Variants in EPHA7 observed in about 807,000 individuals in gnomAD.
EPHA7 encodes the protein EPH receptor A7.
In EPHA7, 25 loss-of-function variants were observed where a neutral mutation model predicts 112.6. The observed-to-expected ratio is 0.22, with a 90% CI of 0.16 to 0.31. The LOEUF is 0.31. Among genes scored for constraint, EPHA7 ranks in the 10% least tolerant of loss-of-function variants. EPHA7 has a pLI of 1.00. For synonymous variants in EPHA7, 437 were observed against 406.5 expected (o/e 1.07, Z -0.90); for missense variants, 962 against 1,212.6 (o/e 0.79, Z 3.07).
intron 1 of EPHA7, among the ~76,000 whole-genome samples, chr6:93,417,797 G>A (rs559215657): frequency 2.1e-4 from 32 of 152,080 alleles, no homozygotes; most frequent in African/African-American, 7.5e-4. Flanking sequence ...ACGCGTAACC[G>A]CCAGCTTGGA....
intron 4 of EPHA7, among the ~76,000 whole-genome samples, chr6:93,357,269 T>A (rs75184801): frequency 0.027 from 4,038 of 152,264 alleles, 178 homozygotes; most frequent in African/African-American, 0.093. Context: ...GAGGCTTTAT[T>A]TATTTTCCTT....
intron 3 of EPHA7, among the ~76,000 whole-genome samples, chr6:93,392,634 A>G (rs759232102): frequency 6.6e-6 from 1 of 152,016 alleles, no homozygotes; most frequent in Non-Finnish European, 1.5e-5. Flanking sequence ...AATTCCTTAA[A>G]GATACAAAAT....
chr6:93,283,212 T>C (rs1269856691), intron 5 of EPHA7, among the ~76,000 whole-genome samples: 13 of 152,200 alleles, frequency 8.5e-5, no homozygotes, highest in Admixed American at 4.6e-4. Flanking sequence ...AATACACCAA[T>C]TGACACTCTG....
chr6:93,379,461 T>A (rs547071376), intron 3 of EPHA7, among the ~76,000 whole-genome samples: 11 of 152,202 alleles, frequency 7.2e-5, no homozygotes, highest in African/African-American at 2.6e-4. Context: ...TTTTAGGGAA[T>A]GTAATTATCA....
At chr6:93,333,095 C>T (rs558772331) in intron 5 of EPHA7, among the ~76,000 whole-genome samples, 5 of 151,786 alleles carry the variant, frequency 3.3e-5, no homozygotes, top group Non-Finnish European at 7.4e-5. Flanking sequence ...TCTCTCTGTA[C>T]TCAGTGTTCA....
At chr6:93,303,771 T>C (rs1773113173) in intron 5 of EPHA7, among the ~76,000 whole-genome samples, 1 of 152,138 alleles carries the variant, frequency 6.6e-6, no homozygotes, top group Admixed American at 6.6e-5. Context: ...GTTATATTTC[T>C]GAAGTATTGA....
At chr6:93,296,766 C>A (rs1772695139) in intron 5 of EPHA7, among the ~76,000 whole-genome samples, 1 of 151,758 alleles carries the variant, frequency 6.6e-6, no homozygotes, top group Admixed American at 6.6e-5. Context: ...TACTTACATA[C>A]ATTGCCATTA....
intron 5 of EPHA7, among the ~76,000 whole-genome samples, chr6:93,320,132 G>A (rs1368310986): frequency 1.3e-5 from 2 of 151,956 alleles, no homozygotes; most frequent in African/African-American, 4.8e-5. Flanking sequence ...ATTGAAGGAG[G>A]AGAAATCACT....
chr6:93,300,710 A>T (rs1416500390), intron 5 of EPHA7, among the ~76,000 whole-genome samples: 1 of 152,198 alleles, frequency 6.6e-6, no homozygotes, highest in Non-Finnish European at 1.5e-5. Context: ...ATGTTAGATA[A>T]CATAAGGGGA....
chr6:93,353,340 A>T (rs1251530589), intron 5 of EPHA7, among the ~76,000 whole-genome samples: 3 of 152,140 alleles, frequency 2.0e-5, no homozygotes, highest in African/African-American at 7.2e-5. Flanking sequence ...TAAATATTAA[A>T]AGTATATAAA....
chr6:93,363,276 A>C (rs1361038370), intron 3 of EPHA7, among the ~76,000 whole-genome samples: 1 of 151,892 alleles, frequency 6.6e-6, no homozygotes, highest in African/African-American at 2.4e-5. Context: ...TAAAGAATAC[A>C]TGATAATAAA....
chr6:93,393,364 A>G (rs906950079), intron 3 of EPHA7, among the ~76,000 whole-genome samples: 1 of 151,576 alleles, frequency 6.6e-6, no homozygotes, highest in Non-Finnish European at 1.5e-5. Context: ...ATCTTGAGTG[A>G]TGTAGTTCAA....
At chr6:93,404,624 T>C (rs1444448638) in intron 3 of EPHA7, among the ~76,000 whole-genome samples, 1 of 147,996 alleles carries the variant, frequency 6.8e-6, no homozygotes. Context: ...TATAATCATA[T>C]ATATATATAT....
At chr6:93,275,456 C>T (rs1161275588) in intron 5 of EPHA7, among the ~76,000 whole-genome samples, 1 of 151,778 alleles carries the variant, frequency 6.6e-6, no homozygotes, top group East Asian at 1.9e-4. Context: ...TTAAATTCAA[C>T]TGAAAAAACA....
intron 5 of EPHA7, among the ~76,000 whole-genome samples, chr6:93,344,918 T>C (rs1775322624): frequency 1.3e-5 from 2 of 151,604 alleles, no homozygotes; most frequent in South Asian, 4.1e-4. Context: ...TCCACTCCTC[T>C]TCCCCGGAGA....
intron 3 of EPHA7, among the ~76,000 whole-genome samples, chr6:93,388,240 A>G (rs1455662250): frequency 2.6e-5 from 4 of 152,286 alleles, no homozygotes; most frequent in East Asian, 1.9e-4. Flanking sequence ...AAGAGTTTCA[A>G]TGACATTTCA....
intron 1 of EPHA7, among the ~76,000 whole-genome samples, chr6:93,417,400 G>A (rs553215680): frequency 6.6e-6 from 1 of 151,382 alleles, no homozygotes; most frequent in Non-Finnish European, 1.5e-5. Context: ...CTCGCCGCCC[G>A]CCAGCCACAG....
In EPHA7 at chr6:93,356,741, C is replaced by T. The variant is rs1273384862; in HGVS notation, c.1300G>A (p.Val434Ile). ...LSRSQRLFAA[V>I]SITTGQAAPS... is the part of the protein sequence containing the mutation. ...CCTGCTTGACCAGTGGTGATACTGA[C>T]AGCAGCAAAGAGCCTCTGGGATCGG... The change falls in exon 5 of 17, where the codon GTC becomes ATC. Residue 434 changes from valine to isoleucine, a missense_variant. Transcript: ENST00000369303. 4 of 1,612,690 alleles carry T rather than the reference C, an allele frequency of 2.5e-6. No homozygotes were observed. The highest frequency in any genetic ancestry group is 4.5e-5 in the East Asian group (2 of 44,874).
chr6:93,415,721 T>C (rs773461744), intron 1 of EPHA7, among the ~76,000 whole-genome samples: 36 of 152,220 alleles, frequency 2.4e-4, no homozygotes, highest in African/African-American at 8.7e-4. Context: ...TTTTGACAAA[T>C]GCATCAATTT....
Sources: allele counts gnomAD v4.1 joint callset (sites outside exome capture counted in the v4.1 genomes callset), GRCh38; gene constraint gnomAD v4.1.1; transcripts MANE v1.5; gene names NCBI Gene and HGNC (gene_info 2026-07-23, HGNC 2026-07-21).